The following NLGN1 variants were observed in gnomAD, a reference collection of about 807,000 sequenced individuals.
The protein encoded by NLGN1 is neuroligin-1.
Under a neutral mutation model 65.5 loss-of-function variants are expected in NLGN1, and 12 were observed. The observed-to-expected ratio is 0.18, with a 90% CI of 0.12 to 0.30. NLGN1 has a LOEUF of 0.30. Among genes scored for constraint, NLGN1 ranks in the 10% least tolerant of loss-of-function variants. NLGN1 has a pLI of 1.00. For synonymous variants in NLGN1, 350 were observed against 359.5 expected (o/e 0.97, Z 0.30); for missense variants, 750 against 1,007.1 (o/e 0.74, Z 3.46).
At chr3:173,417,015 A>G (rs1345810284) in intron 1 of NLGN1, among the ~76,000 whole-genome samples, 4 of 152,134 alleles carry the variant, frequency 2.6e-5, no homozygotes, top group Non-Finnish European at 5.9e-5. Context: ...TGCTCTTGCA[A>G]TTATAAAATT....
At chr3:173,778,266 C>T (rs1780610045) in intron 3 of NLGN1, among the ~76,000 whole-genome samples, 2 of 151,788 alleles carry the variant, frequency 1.3e-5, no homozygotes, top group South Asian at 4.1e-4. Context: ...TTGGAGACCT[C>T]TTTTTTAGTT....
chr3:173,515,098 G>A (rs1733608561), intron 2 of NLGN1, among the ~76,000 whole-genome samples: 1 of 152,092 alleles, frequency 6.6e-6, no homozygotes. Flanking sequence ...CACAGTGACT[G>A]TACCAGTTTA....
At chr3:173,880,525 G>A (rs926905249) in intron 4 of NLGN1, among the ~76,000 whole-genome samples, 1 of 151,072 alleles carries the variant, frequency 6.6e-6, no homozygotes, top group East Asian at 1.9e-4. Flanking sequence ...TAAAAGCTAC[G>A]TTTACCCTAT....
chr3:173,754,823 A>G (rs1776850568), intron 3 of NLGN1, among the ~76,000 whole-genome samples: 1 of 150,238 alleles, frequency 6.7e-6, no homozygotes, highest in South Asian at 2.1e-4. Flanking sequence ...ATGCATTTAC[A>G]TGTCCAGAAA....
chr3:173,576,081 G>A (rs1745456180), intron 2 of NLGN1, among the ~76,000 whole-genome samples: 1 of 151,938 alleles, frequency 6.6e-6, no homozygotes, highest in Admixed American at 6.6e-5. Flanking sequence ...ATATTTATAT[G>A]GAAGCAATTA....
intron 4 of NLGN1, among the ~76,000 whole-genome samples, chr3:174,263,812 C>T (rs373483974): frequency 8.6e-5 from 13 of 151,512 alleles, no homozygotes; most frequent in African/African-American, 2.2e-4. Context: ...GATTTTGCAG[C>T]GGCTGGTACC....
intron 3 of NLGN1, among the ~76,000 whole-genome samples, chr3:173,758,198 C>T (rs1020509137): frequency 6.6e-6 from 1 of 151,972 alleles, no homozygotes; most frequent in Non-Finnish European, 1.5e-5. Flanking sequence ...GTCTGCAAGG[C>T]AGGAGGAGAG....
chr3:173,993,724 T>A (rs185633180), intron 4 of NLGN1, among the ~76,000 whole-genome samples: 47 of 152,118 alleles, frequency 3.1e-4, no homozygotes, highest in African/African-American at 1.1e-3. Context: ...GTAATTCAGT[T>A]TTTCCATTCA....
At chr3:173,935,094 G>T (rs528842469) in intron 4 of NLGN1, among the ~76,000 whole-genome samples, 17 of 152,046 alleles carry the variant, frequency 1.1e-4, no homozygotes, top group Middle Eastern at 3.4e-3. Flanking sequence ...TAAATTCTGT[G>T]CTATGTTCCC....
intron 4 of NLGN1, among the ~76,000 whole-genome samples, chr3:174,050,014 A>G (rs1436807519): frequency 3.3e-5 from 5 of 152,130 alleles, no homozygotes; most frequent in Admixed American, 6.6e-5. Context: ...TCAGTGTTCA[A>G]TATTATAAAG....
At chr3:173,841,696 A>G (rs967747856) in intron 4 of NLGN1, among the ~76,000 whole-genome samples, 2 of 152,194 alleles carry the variant, frequency 1.3e-5, no homozygotes, top group Non-Finnish European at 2.9e-5. Flanking sequence ...AGAAAACTGT[A>G]GAAGTAGAGG....
intron 4 of NLGN1, among the ~76,000 whole-genome samples, chr3:174,268,706 A>G (rs2152873547): frequency 6.6e-6 from 1 of 152,232 alleles, no homozygotes; most frequent in Admixed American, 6.5e-5. Flanking sequence ...ACTGCAAACC[A>G]AAGAAATAGC....
intron 2 of NLGN1, among the ~76,000 whole-genome samples, chr3:173,479,032 T>A (rs562880618): frequency 4.6e-5 from 7 of 152,180 alleles, no homozygotes; most frequent in Non-Finnish European, 8.8e-5. Flanking sequence ...GAGTATAGAC[T>A]ATTCTTTCAA....
intron 4 of NLGN1, among the ~76,000 whole-genome samples, chr3:174,165,975 A>G (rs1434029584): frequency 1.3e-5 from 2 of 151,926 alleles, no homozygotes; most frequent in African/African-American, 2.4e-5. Context: ...TTTGTAGTTT[A>G]TATGTGTAGA....
At chr3:173,788,396 CAATT>C (rs1341621216) in intron 3 of NLGN1, among the ~76,000 whole-genome samples, 1 of 151,916 alleles carries the variant, frequency 6.6e-6, no homozygotes, top group African/African-American at 2.4e-5. Context: ...GTTCCACTGT[CAATT>C]AACCTATTTT....
Position 173,639,023 on chromosome 3 carries a change from A to G in NLGN1, c.493+33932A>G, listed in dbSNP as rs922195414. On this transcript the variant is annotated intron_variant, in intron 3 of 6. Transcript: ENST00000457714. ...ATGTCTGGCCAGTTGTGTGCTCAAC[A>G]GGAATGCTGAAGGACTGGTGAGCAT... Among the ~76,000 whole-genome samples, 10 of 152,342 alleles carry G rather than the reference A, an allele frequency of 6.6e-5. 1 individual carries two copies. Among genetic ancestry groups the G allele is most frequent in the East Asian group, 5.8e-4 (3 of 5,186 alleles).
At chr3:174,106,959 A>G (rs1713967583) in intron 4 of NLGN1, among the ~76,000 whole-genome samples, 1 of 150,976 alleles carries the variant, frequency 6.6e-6, no homozygotes, top group African/African-American at 2.4e-5. Flanking sequence ...CTATTGATTC[A>G]AATGACAATC....
chr3:173,917,653 A>G (rs1174044174), intron 4 of NLGN1, among the ~76,000 whole-genome samples: 2 of 152,184 alleles, frequency 1.3e-5, no homozygotes, highest in Non-Finnish European at 2.9e-5. Flanking sequence ...AGTGATAGTT[A>G]TATCAATTAC....
chr3:174,215,518 C>G (rs578008696), intron 4 of NLGN1, among the ~76,000 whole-genome samples: 1 of 152,152 alleles, frequency 6.6e-6, no homozygotes, highest in Non-Finnish European at 1.5e-5. Context: ...TAGCATAAAT[C>G]TTAACTAATC....
Sources: allele counts gnomAD v4.1 joint callset (sites outside exome capture counted in the v4.1 genomes callset), GRCh38; gene constraint gnomAD v4.1.1; transcripts MANE v1.5; gene names NCBI Gene and HGNC (gene_info 2026-07-23, HGNC 2026-07-21).